DLC1: variants seen among roughly 807,000 people sequenced by gnomAD.
DLC1 encodes rho GTPase-activating protein 7.
Under a neutral mutation model 140.3 loss-of-function variants are expected in DLC1, and 54 were observed. That is an observed-to-expected ratio of 0.38 (90% confidence interval 0.31 to 0.48). The LOEUF is 0.48. Ranked by LOEUF, DLC1 falls within the 20% of genes least tolerant of loss-of-function variation. The pLI is 0.96. For missense variants in DLC1, 2,536 were observed against 1,907.0 expected (o/e 1.33, Z -6.14); for synonymous variants, 986 against 728.1 (o/e 1.35, Z -5.70).
intron 4 of DLC1, among the ~76,000 whole-genome samples, chr8:13,344,065 T>G (rs1407162792): frequency 6.6e-6 from 1 of 152,218 alleles, no homozygotes; most frequent in East Asian, 1.9e-4. Flanking sequence ...GAACCTATGT[T>G]ACTGTCCTAC....
At chr8:13,107,976 C>T (rs1025710874) in intron 7 of DLC1, among the ~76,000 whole-genome samples, 16 of 152,020 alleles carry the variant, frequency 1.1e-4, no homozygotes, top group African/African-American at 2.9e-4. Flanking sequence ...ACCTGGGAGG[C>T]GGAGGTTGCA....
intron 5 of DLC1, among the ~76,000 whole-genome samples, chr8:13,132,542 C>A (rs1179266559): frequency 2.0e-5 from 3 of 152,090 alleles, no homozygotes; most frequent in African/African-American, 7.2e-5. Context: ...GAGATCAGTA[C>A]GAGCGCAGAG....
Position 13,367,533 on chromosome 8 carries a change from C to G in DLC1, c.1314+26020G>C, listed in dbSNP as rs576178721. On this transcript the variant is annotated intron_variant, in intron 4 of 17. Transcript: ENST00000276297. ...TTTGTACAACCTTGTTTCTTGATTA[C>G]AACAACAACAACAAAACAAAATAAG... Among the ~76,000 whole-genome samples, 106 of 151,362 alleles carry G rather than the reference C, an allele frequency of 7.0e-4. 1 individual carries two copies. The highest frequency in any genetic ancestry group is 2.5e-3 in the African/African-American group (101 of 40,720).
chr8:13,593,121 C>G (rs545213386), intron 1 of DLC1, among the ~76,000 whole-genome samples: 25 of 152,230 alleles, frequency 1.6e-4, no homozygotes, highest in Admixed American at 5.2e-4. Context: ...TCACCCCACC[C>G]AATCTATGTT....
At chr8:13,100,895 A>T in intron 8 of DLC1, 125 bp from the exon 9 acceptor site, 1 of 989,750 alleles carries the variant, frequency 1.0e-6, no homozygotes, top group Non-Finnish European at 1.3e-6. Flanking sequence ...TCATGATTTT[A>T]ATTTTAAAGT....
At position 13,444,920 on chromosome 8, in the gene DLC1, C is replaced by T. The variant is rs570502647; in HGVS notation, c.1024-43301G>A. The stretch of plus-strand genomic sequence containing the variant: ...TTCATGTATGAAGAAGTCATGTATT[C>T]TTCAAAGTTCATTTTTGAATGAATG... On this transcript the variant is annotated intron_variant, in intron 2 of 17. Transcript: ENST00000276297. 9.9e-5 allele frequency among the ~76,000 whole-genome samples: 15 copies of T among 152,126 alleles called. 1 individual carries two copies. The South Asian group carries it at 3.1e-3, about 32-fold the overall frequency.
At chr8:13,208,907 G>T (rs756962521) in intron 5 of DLC1, among the ~76,000 whole-genome samples, 4 of 152,108 alleles carry the variant, frequency 2.6e-5, no homozygotes, top group Non-Finnish European at 4.4e-5. Flanking sequence ...TCTCTTATTT[G>T]CAGCTTAAGT....
Position 13,090,306 on chromosome 8 carries a change from A to G in DLC1, c.4020T>C (p.Phe1340=). 1 of 1,614,168 alleles carries G rather than the reference A, an allele frequency of 6.2e-7. No homozygotes were observed. The highest frequency in any genetic ancestry group is 1.3e-5 in the African/African-American group (1 of 75,040). The change falls in exon 15 of 18, where the codon TTT becomes TTC. Residue 1340 remains phenylalanine (F), a synonymous_variant. Transcript: ENST00000276297. ...DGLFKEVKEK[F]KGWVSYSTSE... is the part of the protein sequence containing the mutation. Reference sequence around the variant, plus strand: ...AAGTGGAGTAGCTGACCCAGCCTTTAAACTTCTCTTTGACTTCTTTAAACA... The same window carrying G: ...AAGTGGAGTAGCTGACCCAGCCTTTGAACTTCTCTTTGACTTCTTTAAACA...
chr8:13,462,822 C>A (rs1185380705), intron 2 of DLC1, among the ~76,000 whole-genome samples: 1 of 152,172 alleles, frequency 6.6e-6, no homozygotes, highest in South Asian at 2.1e-4. Context: ...AAGGTAACTA[C>A]AAGGTAGTGA....
intron 1 of DLC1, among the ~76,000 whole-genome samples, chr8:13,603,225 A>T (rs1805947068): frequency 6.6e-6 from 1 of 151,876 alleles, no homozygotes; most frequent in Non-Finnish European, 1.5e-5. Flanking sequence ...GTGATGTTAG[A>T]CATCATTAAC....
At chr8:13,485,912 A>T (rs115119365) in intron 2 of DLC1, among the ~76,000 whole-genome samples, 83 of 152,334 alleles carry the variant, frequency 5.4e-4, no homozygotes, top group African/African-American at 1.9e-3. Flanking sequence ...GTGATCAATG[A>T]CATGTTTAAA....
intron 5 of DLC1, among the ~76,000 whole-genome samples, chr8:13,213,038 T>G (rs901425315): frequency 6.6e-6 from 1 of 152,226 alleles, no homozygotes; most frequent in African/African-American, 2.4e-5. Flanking sequence ...AGATGTTGAA[T>G]GTAGTGGGAG....
At chr8:13,305,202 C>A (rs772311907) in intron 5 of DLC1, 67 bp downstream of exon 5, 2 of 1,570,744 alleles carry the variant, frequency 1.3e-6, no homozygotes, top group Non-Finnish European at 1.7e-6. Flanking sequence ...TAATAAAATG[C>A]CTATTTTAAG....
intron 1 of DLC1, among the ~76,000 whole-genome samples, chr8:13,595,325 A>G (rs925618039): frequency 1.3e-5 from 2 of 152,054 alleles, no homozygotes; most frequent in Non-Finnish European, 2.9e-5. Flanking sequence ...GTTCATTTTC[A>G]TGAAAATGTG....
At chr8:13,086,994 C>T (rs1358713562) in intron 16 of DLC1, among the ~76,000 whole-genome samples, 1 of 152,130 alleles carries the variant, frequency 6.6e-6, no homozygotes, top group Non-Finnish European at 1.5e-5. Flanking sequence ...AGTGATACCC[C>T]CCCATCTCAA....
intron 5 of DLC1, among the ~76,000 whole-genome samples, chr8:13,212,353 G>T (rs1188310): frequency 0.018 from 2,684 of 152,176 alleles, 74 homozygotes; most frequent in African/African-American, 0.062. Context: ...CTTTTGTTTT[G>T]TTTTGTTTTT....
chr8:13,240,780 G>C (rs541096778), intron 5 of DLC1, among the ~76,000 whole-genome samples: 33 of 152,180 alleles, frequency 2.2e-4, no homozygotes, highest in Middle Eastern at 6.8e-3. Flanking sequence ...GTTGGTGATG[G>C]CCAATTTCTA....
intron 2 of DLC1, among the ~76,000 whole-genome samples, chr8:13,450,886 A>C (rs974325791): frequency 1.3e-5 from 2 of 151,790 alleles, no homozygotes; most frequent in Non-Finnish European, 2.9e-5. Flanking sequence ...TAAAAATACA[A>C]AAATTAGCTG....
chr8:13,190,591 AT>A (rs1278389893), intron 5 of DLC1, among the ~76,000 whole-genome samples: 5 of 152,236 alleles, frequency 3.3e-5, no homozygotes, highest in Non-Finnish European at 5.9e-5. Context: ...AAAGTCATAA[AT>A]AGGTAGCAAA....
Sources: allele counts gnomAD v4.1 joint callset (sites outside exome capture counted in the v4.1 genomes callset), GRCh38; gene constraint gnomAD v4.1.1; transcripts MANE v1.5; gene names NCBI Gene and HGNC (gene_info 2026-07-23, HGNC 2026-07-21).